SLC9A7: variants seen among roughly 807,000 people sequenced by gnomAD.
The protein encoded by SLC9A7 is solute carrier family 9 member A7, also known as sodium/hydrogen exchanger 7.
A neutral mutation model predicts 52.6 loss-of-function variants in SLC9A7; 19 were observed. That is an observed-to-expected ratio of 0.36 (90% CI 0.25 to 0.53). The LOEUF is 0.53. SLC9A7 is among the 20% of genes least tolerant of loss of function. The probability of loss-of-function intolerance (pLI) is 0.91; values close to 1 mark genes in which losing one functional copy is unlikely to be tolerated. For missense variants in SLC9A7, 455 were observed against 597.9 expected, an observed-to-expected ratio of 0.76 and a Z score of 2.49; for synonymous variants, 226 against 252.1, an observed-to-expected ratio of 0.90 and a Z score of 0.98.
At chrX:46,644,320 G>A (rs1417424846) in intron 11 of SLC9A7, among the ~76,000 whole-genome samples, 2 of 111,631 alleles carry the variant, frequency 1.8e-5, no homozygotes, top group Non-Finnish European at 3.8e-5. Context: ...CCCATATCAC[G>A]CTCATAATTT....
At chrX:46,694,523 T>G (rs1944423214) in intron 1 of SLC9A7, among the ~76,000 whole-genome samples, 1 of 111,285 alleles carries the variant, frequency 9.0e-6, no homozygotes, top group African/African-American at 3.3e-5. Flanking sequence ...GAAATGCAGA[T>G]TAAAACCATA....
At chrX:46,746,458 A>T (rs1009050149) in intron 1 of SLC9A7, among the ~76,000 whole-genome samples, 1 of 112,333 alleles carries the variant, frequency 8.9e-6, no homozygotes, top group Non-Finnish European at 1.9e-5. Context: ...CAAAAAAAAA[A>T]TCCTATTAAA....
chrX:46,675,595 A>G (rs1010285830), intron 3 of SLC9A7, among the ~76,000 whole-genome samples: 2 of 112,408 alleles, frequency 1.8e-5, no homozygotes, highest in East Asian at 5.6e-4. Context: ...TAGCAAAAAA[A>G]TAGAATCCCT....
chrX:46,606,882 A>C lies in SLC9A7; in HGVS notation c.*70T>G. 1.7e-6 allele frequency: 2 copies of C among 1,197,033 alleles called. No individual in the cohort carries two copies. Among genetic ancestry groups the C allele is most frequent in the South Asian group, 1.8e-5 (1 of 54,976 alleles). ...TCTAGTCACTGCCCCACCTCCAACA[A>C]CACTAGGGCTTGCAGCTGTCCTCAC... On this transcript the variant is annotated 3_prime_UTR_variant, in exon 17 of 17. Coordinates refer to ENST00000616978, the MANE Select transcript of SLC9A7 (RefSeq NM_001257291.2).
intron 16 of SLC9A7, among the ~76,000 whole-genome samples, chrX:46,609,559 TG>T (rs71868809): frequency 0.33 from 35,887 of 108,228 alleles, 5,766 homozygotes; most frequent in African/African-American, 0.6. Flanking sequence ...ATTAGCCGGG[TG>T]GTGGTGGTGG....
chrX:46,698,752 T>A (rs1041160588), intron 1 of SLC9A7, among the ~76,000 whole-genome samples: 1 of 111,992 alleles, frequency 8.9e-6, no homozygotes, highest in Non-Finnish European at 1.9e-5. Flanking sequence ...TATTACCTTT[T>A]CAATAATTTC....
intron 1 of SLC9A7, among the ~76,000 whole-genome samples, chrX:46,700,207 T>C (rs1044364479): frequency 8.9e-6 from 1 of 112,485 alleles, no homozygotes; most frequent in African/African-American, 3.2e-5. Context: ...ATCAGCTTTC[T>C]GTTTTAAATC....
At chrX:46,696,494 T>A (rs971237767) in intron 1 of SLC9A7, among the ~76,000 whole-genome samples, 1 of 111,920 alleles carries the variant, frequency 8.9e-6, no homozygotes, top group African/African-American at 3.3e-5. Context: ...TGAAAGTGAT[T>A]AGATATCATA....
rs147386244 is a variant in SLC9A7, at chrX:46,619,822, A to C, written c.1823+1155T>G. Among the ~76,000 whole-genome samples the C allele has an allele frequency of 9.7e-3, 1,043 of 107,947 alleles. 9 individuals are homozygous for C. Among genetic ancestry groups the C allele is most frequent in the African/African-American group, 0.032 (955 of 29,414 alleles). 93.7% of individuals were successfully genotyped at this position (107,947 alleles called of 115,157 possible). A position where few individuals can be genotyped will look rare whatever the true frequency, so the allele number is the denominator to read the frequency against. ...TGACTAATTTTTGTATTTTTTGTAG[A>C]GACAGGGTTTCATCATGTTGCCCAG... On this transcript the variant is annotated intron_variant, in intron 15 of 16. Transcript: ENST00000616978.
In SLC9A7 at chrX:46,713,350, A is replaced by C. The variant is rs987703952; in HGVS notation, c.326-30815T>G. 3.7e-5 allele frequency among the ~76,000 whole-genome samples: 4 copies of C among 107,592 alleles called. No homozygotes were observed. The East Asian group carries it at 1.2e-3, about 32-fold the overall frequency. The allele number at this position is 107,592 out of a possible 115,157, so 93.4% of individuals were successfully genotyped here. A position where few individuals can be genotyped will look rare whatever the true frequency, so the allele number is the denominator to read the frequency against. ...CCCTGTCTCTACTAAAAATACAAAA[A>C]ACTAGCTGGGCATGGTGGCGGGCGC... is the stretch of plus-strand genomic sequence containing the variant. On this transcript the variant is annotated intron_variant, in intron 1 of 16. Transcript: ENST00000616978.
intron 1 of SLC9A7, among the ~76,000 whole-genome samples, chrX:46,747,007 G>A (rs1338889238): frequency 8.9e-6 from 1 of 112,242 alleles, no homozygotes; most frequent in African/African-American, 3.2e-5. Flanking sequence ...GGATGGAACT[G>A]GAGGTCATTA....
Position 46,601,092 on chromosome X carries a change from TAAG to T in SLC9A7, c.*5857_*5859del, listed in dbSNP as rs1942654170. 1 of 112,570 alleles carries T rather than the reference TAAG, an allele frequency of 8.9e-6. No individual in the cohort carries two copies. The highest frequency in any genetic ancestry group is 1.9e-5 in the Non-Finnish European group (1 of 53,361). 9.3% of individuals were successfully genotyped at this position (112,570 alleles called of 1,213,427 possible). ...CAAGTTCCCCACTTTTGAAGTGGAA[TAAG>T]AAGTCATATACTTGTGAGATCAGCA... is the stretch of plus-strand genomic sequence containing the variant. On this transcript the variant is annotated 3_prime_UTR_variant, in exon 17 of 17. Coordinates refer to ENST00000616978, the MANE Select transcript of SLC9A7 (RefSeq NM_001257291.2).
intron 8 of SLC9A7, 24 bp downstream of exon 8, chrX:46,653,584 TG>T: frequency 9.2e-7 from 1 of 1,090,527 alleles, no homozygotes; most frequent in Non-Finnish European, 1.3e-6. Flanking sequence ...AGGGGAAGGG[TG>T]GTCCAAGAGT....
chrX:46,736,901 T>C (rs1446414419), intron 1 of SLC9A7, among the ~76,000 whole-genome samples: 1 of 111,288 alleles, frequency 9.0e-6, no homozygotes, highest in Non-Finnish European at 1.9e-5. Flanking sequence ...ATGGGGGTAT[T>C]CTGATATTCT....
intron 10 of SLC9A7, 63 bp from the exon 11 acceptor site, chrX:46,648,860 C>T (rs997424648): frequency 1.7e-5 from 14 of 835,164 alleles, no homozygotes; most frequent in African/African-American, 1.4e-4. Flanking sequence ...ACACAACCTC[C>T]GGCTGAGCAG....
At chrX:46,738,983 A>G (rs1020402513) in intron 1 of SLC9A7, among the ~76,000 whole-genome samples, 1 of 111,451 alleles carries the variant, frequency 9.0e-6, no homozygotes, top group African/African-American at 3.3e-5. Flanking sequence ...ATTAAATTAC[A>G]ACATTACTTA....
At chrX:46,675,944 AC>A (rs1234611618) in intron 3 of SLC9A7, among the ~76,000 whole-genome samples, 1 of 112,311 alleles carries the variant, frequency 8.9e-6, no homozygotes, top group Non-Finnish European at 1.9e-5. Flanking sequence ...GAGCTTCCAA[AC>A]AGCTGAATAC....
At chrX:46,660,998 T>G (rs1943807691) in intron 7 of SLC9A7, among the ~76,000 whole-genome samples, 1 of 109,954 alleles carries the variant, frequency 9.1e-6, no homozygotes, top group Admixed American at 9.6e-5. Context: ...TAGACTGGAT[T>G]AAGAAAATGT....
intron 8 of SLC9A7, 52 bp from the exon 9 acceptor site, chrX:46,651,456 A>C: frequency 1.2e-6 from 1 of 859,997 alleles, no homozygotes; most frequent in African/African-American, 2.1e-5. Context: ...GAGGCAGGGG[A>C]AAAAAAAAAC....
Sources: gnomAD v4.1 joint callset for allele counts (sites outside exome capture counted in the v4.1 genomes callset) on GRCh38, gnomAD v4.1.1 for gene constraint, MANE v1.5 for transcripts, NCBI Gene and HGNC (gene_info 2026-07-23, HGNC 2026-07-21) for gene names.